Variants in PRKN observed in about 807,000 individuals in gnomAD.
PRKN encodes the protein E3 ubiquitin-protein ligase parkin.
A neutral mutation model predicts 59.5 loss-of-function variants in PRKN; 56 were observed. That is an observed-to-expected ratio of 0.94 (90% CI 0.76 to 1.18). The LOEUF (loss-of-function observed/expected upper bound fraction) is 1.18, where lower values mean the gene tolerates loss of function less well. Ranked by LOEUF, PRKN falls within the 50% of genes most tolerant of loss-of-function variation. The pLI, the probability that PRKN is intolerant of heterozygous loss-of-function variation, is 0.00. For synonymous variants in PRKN, 250 were observed against 222.1 expected (o/e 1.13, Z -1.12); for missense variants, 657 against 596.4 (o/e 1.10, Z -1.06).
intron 6 of PRKN, among the ~76,000 whole-genome samples, chr6:161,815,881 T>C (rs1212409201): frequency 6.6e-6 from 1 of 152,206 alleles, no homozygotes; most frequent in Non-Finnish European, 1.5e-5. Context: ...GCTGCTGGTG[T>C]AAACCTGCGC....
At chr6:162,715,777 T>C (rs564534422) in intron 1 of PRKN, among the ~76,000 whole-genome samples, 1 of 152,324 alleles carries the variant, frequency 6.6e-6, no homozygotes, top group African/African-American at 2.4e-5. Context: ...CCATGCTCCC[T>C]GTACTCCATC....
rs74834995 is a variant in PRKN, at chr6:162,420,168, T to C, written c.171+23142A>G. On this transcript the variant is annotated intron_variant, in intron 2 of 11. Transcript: ENST00000366898. ...GTTTTCCTGCAACTAGATGGTCTCA[T>C]TGGGAGTGATGGGCAACAGTGACAG... 3.5e-3 allele frequency among the ~76,000 whole-genome samples: 533 copies of C among 151,718 alleles called. 9 individuals are homozygous for C. In the East Asian group the frequency reaches 0.04, roughly 11 times the overall value.
intron 1 of PRKN, among the ~76,000 whole-genome samples, chr6:162,511,871 T>G (rs1319743493): frequency 1.3e-5 from 2 of 152,188 alleles, no homozygotes; most frequent in African/African-American, 4.8e-5. Flanking sequence ...ATTTTAATTT[T>G]TAATAATTTA....
At chr6:162,072,534 T>C (rs982422039) in intron 4 of PRKN, among the ~76,000 whole-genome samples, 4 of 152,278 alleles carry the variant, frequency 2.6e-5, no homozygotes, top group South Asian at 2.1e-4. Flanking sequence ...TGACAATTAA[T>C]CCATAAATAA....
chr6:161,958,460 A>T (rs975663662), intron 6 of PRKN, among the ~76,000 whole-genome samples: 2 of 152,198 alleles, frequency 1.3e-5, no homozygotes, highest in African/African-American at 4.8e-5. Context: ...AATGAGAGAA[A>T]TTTAAAGTAA....
intron 6 of PRKN, among the ~76,000 whole-genome samples, chr6:161,849,134 T>C (rs1476188226): frequency 1.3e-5 from 2 of 152,206 alleles, no homozygotes; most frequent in Non-Finnish European, 2.9e-5. Flanking sequence ...ACTTGGTTTG[T>C]CAGACTCTCT....
intron 2 of PRKN, among the ~76,000 whole-genome samples, chr6:162,350,558 G>C (rs1376352869): frequency 1.3e-5 from 2 of 152,148 alleles, no homozygotes; most frequent in Admixed American, 1.3e-4. Flanking sequence ...AAGGAGCAGA[G>C]GCTATTCAGT....
At chr6:162,210,256 T>C (rs1785150511) in intron 3 of PRKN, among the ~76,000 whole-genome samples, 1 of 152,174 alleles carries the variant, frequency 6.6e-6, no homozygotes. Flanking sequence ...TGTCTACTAT[T>C]ATTGTCTCAG....
intron 1 of PRKN, among the ~76,000 whole-genome samples, chr6:162,587,950 T>C (rs1195610001): frequency 6.6e-6 from 1 of 152,024 alleles, no homozygotes; most frequent in Non-Finnish European, 1.5e-5. Context: ...GAAATTTTCA[T>C]ATTTTCTTTG....
intron 4 of PRKN, among the ~76,000 whole-genome samples, chr6:162,110,222 T>C (rs28398394): frequency 3.3e-5 from 5 of 152,226 alleles, no homozygotes; most frequent in African/African-American, 4.8e-5. Flanking sequence ...GATAATTCTA[T>C]GGTATTCCTG....
chr6:162,489,641 T>C (rs1290405205), intron 1 of PRKN, among the ~76,000 whole-genome samples: 3 of 152,168 alleles, frequency 2.0e-5, no homozygotes, highest in African/African-American at 7.2e-5. Context: ...GAGTTATAAG[T>C]ATGTTGGGGG....
At chr6:161,801,111 C>T (rs531356678) in intron 6 of PRKN, among the ~76,000 whole-genome samples, 33 of 152,276 alleles carry the variant, frequency 2.2e-4, no homozygotes, top group Non-Finnish European at 4.4e-5. Context: ...AGGCCTAGGG[C>T]GCTATCAAAC....
chr6:161,755,079 C>T (rs1788858811), intron 7 of PRKN, among the ~76,000 whole-genome samples: 1 of 152,194 alleles, frequency 6.6e-6, no homozygotes. Context: ...TGTCATTGAT[C>T]ACTTGACCCA....
intron 9 of PRKN, among the ~76,000 whole-genome samples, chr6:161,528,812 T>G (rs750647141): frequency 6.6e-5 from 10 of 152,088 alleles, no homozygotes; most frequent in Non-Finnish European, 1.2e-4. Flanking sequence ...TCTTGAATGA[T>G]TAGGTGAAGT....
intron 1 of PRKN, among the ~76,000 whole-genome samples, chr6:162,626,781 T>A (rs932577882): frequency 4.1e-5 from 6 of 147,448 alleles, no homozygotes; most frequent in African/African-American, 1.5e-4. Context: ...GCCACTGCAC[T>A]CCAGCCTGGA....
intron 1 of PRKN, among the ~76,000 whole-genome samples, chr6:162,685,232 A>C (rs1301563956): frequency 1.3e-5 from 2 of 152,292 alleles, no homozygotes; most frequent in Non-Finnish European, 2.9e-5. Context: ...TACTGCAATA[A>C]ATCAATGTAC....
intron 2 of PRKN, among the ~76,000 whole-genome samples, chr6:162,318,327 A>G (rs1195671725): frequency 6.6e-6 from 1 of 152,114 alleles, no homozygotes; most frequent in Non-Finnish European, 1.5e-5. Context: ...ATGTGAAGCC[A>G]ACAAAGGGCC....
chr6:161,516,494 GAA>G (rs796098363), intron 9 of PRKN, among the ~76,000 whole-genome samples: 7,687 of 36,008 alleles, frequency 0.21, 800 homozygotes, highest in African/African-American at 0.34. Context: ...AAAAAAAAAA[GAA>G]GAAGAAGAAA....
intron 3 of PRKN, among the ~76,000 whole-genome samples, chr6:162,256,181 A>C (rs1294482692): frequency 6.6e-6 from 1 of 152,114 alleles, no homozygotes; most frequent in East Asian, 1.9e-4. Flanking sequence ...AATTATCAAA[A>C]AGTACTCTAA....
Sources: gnomAD v4.1 joint callset for allele counts (sites outside exome capture counted in the v4.1 genomes callset) on GRCh38, gnomAD v4.1.1 for gene constraint, MANE v1.5 for transcripts, NCBI Gene and HGNC (gene_info 2026-07-23, HGNC 2026-07-21) for gene names.